The following EYS variants were observed in gnomAD, a reference collection of about 807,000 sequenced individuals.
The protein encoded by EYS is EGF-like photoreceptor maintenance factor, also known as protein eyes shut homolog.
Under a neutral mutation model 282.1 loss-of-function variants are expected in EYS, and 250 were observed. That is an observed-to-expected ratio of 0.89 (90% CI 0.80 to 0.98). EYS has a LOEUF of 0.98. Ranked by LOEUF, EYS falls within the 50% of genes least tolerant of loss-of-function variation. The pLI is 0.00. For missense variants in EYS, 4,016 were observed against 3,709.0 expected, an observed-to-expected ratio of 1.08 and a Z score of -2.15; for synonymous variants, 1,355 against 1,282.9, an observed-to-expected ratio of 1.06 and a Z score of -1.20.
chr6:64,268,347 G>T (rs972459672), intron 30 of EYS, among the ~76,000 whole-genome samples: 2 of 151,916 alleles, frequency 1.3e-5, no homozygotes, highest in Non-Finnish European at 2.9e-5. Context: ...CATTAGGAAG[G>T]GTATATAAGA....
chr6:64,118,476 G>C (rs1006877605), intron 31 of EYS, among the ~76,000 whole-genome samples: 1 of 151,942 alleles, frequency 6.6e-6, no homozygotes, highest in Non-Finnish European at 1.5e-5. Context: ...GGGAAAACTA[G>C]GTATCCATAT....
At chr6:64,516,571 A>G (rs1777565489) in intron 26 of EYS, among the ~76,000 whole-genome samples, 2 of 151,736 alleles carry the variant, frequency 1.3e-5, no homozygotes, top group South Asian at 2.1e-4. Flanking sequence ...AAAATTACAT[A>G]CTTCACTTGA....
chr6:64,708,634 C>A (rs1015124888), intron 22 of EYS, among the ~76,000 whole-genome samples: 1 of 152,164 alleles, frequency 6.6e-6, no homozygotes, highest in African/African-American at 2.4e-5. Flanking sequence ...AAAAAAAAGT[C>A]TCCCTCAAGG....
rs529720580 is a variant in EYS at position 65,090,745 on chromosome 6, A to G, written c.2024-33018T>C. ...CACAAAGCTGCTGTCCCAAAGATCC[A>G]TTTATTCTATTTACTTGTCAAAGTA... On this transcript the variant is annotated intron_variant, in intron 12 of 42. Coordinates refer to ENST00000503581, the MANE Select transcript of EYS (RefSeq NM_001142800.2). Among the ~76,000 whole-genome samples the G allele has an allele frequency of 2.9e-3, 436 of 152,240 alleles. 6 individuals are homozygous for G. Among genetic ancestry groups the G allele is most frequent in the African/African-American group, 0.01 (418 of 41,550 alleles).
chr6:64,915,789 T>G (rs1034572193), intron 15 of EYS, among the ~76,000 whole-genome samples: 2 of 152,206 alleles, frequency 1.3e-5, no homozygotes, highest in Non-Finnish European at 2.9e-5. Context: ...GTAGAAGAGA[T>G]ATTCTTTTTC....
rs550953983 is a variant in EYS, at chr6:64,465,076, T to C, written c.5645-25724A>G. ...ATAAAAGAGATAAAAGACCTGTACA[T>C]TGAAAACAAAACAACATTGACGAAA... On this transcript the variant is annotated intron_variant, in intron 26 of 42. Coordinates refer to ENST00000503581, the MANE Select transcript of EYS (RefSeq NM_001142800.2). Among the ~76,000 whole-genome samples the C allele has an allele frequency of 1.6e-4, 25 of 151,950 alleles. No individual in the cohort carries two copies. The South Asian group carries it at 5.0e-3, about 30-fold the overall frequency.
At chr6:65,383,526 A>G (rs1303897551) in intron 8 of EYS, among the ~76,000 whole-genome samples, 1 of 151,046 alleles carries the variant, frequency 6.6e-6, no homozygotes, top group Non-Finnish European at 1.5e-5. Flanking sequence ...ATACCATTTT[A>G]TTTATTCTAT....
chr6:63,884,532 T>G (rs1010657801), intron 35 of EYS, among the ~76,000 whole-genome samples: 1 of 152,148 alleles, frequency 6.6e-6, no homozygotes, highest in Non-Finnish European at 1.5e-5. Flanking sequence ...TTCATTGAGA[T>G]TTGTGTGCTT....
At chr6:64,044,793 T>C (rs1222992511) in intron 33 of EYS, among the ~76,000 whole-genome samples, 1 of 152,210 alleles carries the variant, frequency 6.6e-6, no homozygotes, top group African/African-American at 2.4e-5. Flanking sequence ...TATGCCAAGC[T>C]GTTTTGTTGA....
intron 12 of EYS, among the ~76,000 whole-genome samples, chr6:65,230,684 C>T (rs889740186): frequency 6.6e-5 from 10 of 151,552 alleles, no homozygotes; most frequent in African/African-American, 1.9e-4. Context: ...TTCACATACT[C>T]CTGAGTTACA....
chr6:63,874,767 C>G (rs1025001564), intron 35 of EYS, among the ~76,000 whole-genome samples: 5 of 152,264 alleles, frequency 3.3e-5, no homozygotes, highest in African/African-American at 1.2e-4. Context: ...ATTTGGCTCT[C>G]TGTTTGTCTG....
chr6:64,441,769 T>A (rs1180123434), intron 26 of EYS, among the ~76,000 whole-genome samples: 1 of 152,210 alleles, frequency 6.6e-6, no homozygotes, highest in Non-Finnish European at 1.5e-5. Context: ...CTCTGCCTGC[T>A]GCCATCCATG....
At position 64,098,450 on chromosome 6, in the gene EYS, AAAT is replaced by A. The variant is rs563369652; in HGVS notation, c.6425-16451_6425-16449del. Among the ~76,000 whole-genome samples the A allele has an allele frequency of 3.2e-4, 48 of 152,288 alleles. No individual in the cohort carries two copies. In the South Asian group the frequency reaches 5.2e-3, roughly 16 times the overall value. On this transcript the variant is annotated intron_variant, in intron 31 of 42. Coordinates refer to ENST00000503581, the MANE Select transcript of EYS (RefSeq NM_001142800.2). ...TGTTATTTACATAAATTTTTAGAAA[AAAT>A]AAAATAATCCTATCTATTATTTAGT...
intron 13 of EYS, among the ~76,000 whole-genome samples, chr6:65,015,677 G>GT (rs1048227915): frequency 6.6e-6 from 1 of 151,856 alleles, no homozygotes; most frequent in Non-Finnish European, 1.5e-5. Flanking sequence ...TTAAAAACCT[G>GT]TTTTTTATTA....
At chr6:65,619,749 A>C (rs1302623521) in intron 2 of EYS, among the ~76,000 whole-genome samples, 1 of 151,410 alleles carries the variant, frequency 6.6e-6, no homozygotes, top group Non-Finnish European at 1.5e-5. Context: ...ATTTATTGAG[A>C]GTTTTTAGCA....
intron 28 of EYS, among the ~76,000 whole-genome samples, chr6:64,411,949 A>T (rs145228239): frequency 9.4e-4 from 143 of 151,560 alleles, no homozygotes; most frequent in Non-Finnish European, 1.9e-3. Context: ...TTATATATGC[A>T]TGCATATATG....
chr6:65,529,192 T>C (rs957785734), intron 2 of EYS, among the ~76,000 whole-genome samples: 3 of 152,100 alleles, frequency 2.0e-5, no homozygotes, highest in Admixed American at 1.3e-4. Context: ...TTTCAAGCAA[T>C]TGTGAATGTT....
intron 22 of EYS, among the ~76,000 whole-genome samples, chr6:64,806,593 T>G (rs1764436443): frequency 6.6e-6 from 1 of 152,056 alleles, no homozygotes; most frequent in African/African-American, 2.4e-5. Flanking sequence ...AAATAATTAG[T>G]GTGAATTAAT....
Position 64,523,881 on chromosome 6 carries a change from T to A in EYS, c.5644+66342A>T, listed in dbSNP as rs1347985689. Among the ~76,000 whole-genome samples the A allele has an allele frequency of 2.6e-5, 4 of 151,728 alleles. No individual in the cohort carries two copies. The Admixed American group carries it at 2.6e-4, about 10-fold the overall frequency. ...AGAAAAACCATCCATTTAAAAAGTT[T>A]AGCCAAAATACTGAAATTGAAATTT... is the stretch of plus-strand genomic sequence containing the variant. On this transcript the variant is annotated intron_variant, in intron 26 of 42. Coordinates refer to ENST00000503581, the MANE Select transcript of EYS (RefSeq NM_001142800.2).
Sources: allele counts gnomAD v4.1 joint callset (sites outside exome capture counted in the v4.1 genomes callset), GRCh38; gene constraint gnomAD v4.1.1; transcripts MANE v1.5; gene names NCBI Gene and HGNC (gene_info 2026-07-23, HGNC 2026-07-21).